The following CACNA2D3 variants were observed in gnomAD, a reference collection of about 807,000 sequenced individuals.
CACNA2D3 encodes the protein calcium voltage-gated channel auxiliary subunit alpha2delta 3.
In CACNA2D3, 60 loss-of-function variants were observed where a neutral mutation model predicts 160.6. The observed-to-expected ratio is 0.37, with a 90% confidence interval of 0.30 to 0.46. The LOEUF is 0.46. Among genes scored for constraint, CACNA2D3 ranks in the 20% least tolerant of loss-of-function variants. The probability of loss-of-function intolerance (pLI) is 1.00; values close to 1 mark genes in which losing one functional copy is unlikely to be tolerated. For missense variants in CACNA2D3, 1,205 were observed against 1,365.0 expected, an observed-to-expected ratio of 0.88 and a Z score of 1.85; for synonymous variants, 558 against 492.9, an observed-to-expected ratio of 1.13 and a Z score of -1.75.
In CACNA2D3 at chr3:54,123,500, C is replaced by T; in HGVS notation, c.123-13C>T. The T allele has an allele frequency of 6.2e-7, 1 of 1,609,542 alleles. No homozygotes were observed. ...GGGTGTTACATATCTTCCTGTGCCCCTTCTCCCTGTAGGGTGAAGCTCTGG... is the reference window on the plus strand; with the variant it reads ...GGGTGTTACATATCTTCCTGTGCCCTTTCTCCCTGTAGGGTGAAGCTCTGG... On this transcript the variant is annotated splice_polypyrimidine_tract_variant and intron_variant, in intron 1 of 37. Transcript: ENST00000474759.
intron 27 of CACNA2D3, among the ~76,000 whole-genome samples, chr3:54,923,958 A>G (rs929605305): frequency 3.3e-5 from 5 of 152,222 alleles, no homozygotes; most frequent in East Asian, 1.9e-4. Flanking sequence ...CTGTGTTCCA[A>G]TAAAACTTTA....
At chr3:54,861,995 TCACA>T (rs553139346) in intron 17 of CACNA2D3, among the ~76,000 whole-genome samples, 58 of 152,214 alleles carry the variant, frequency 3.8e-4, no homozygotes, top group South Asian at 1.9e-3. Flanking sequence ...TAATTGAGAA[TCACA>T]CACACACAAA....
intron 11 of CACNA2D3, among the ~76,000 whole-genome samples, chr3:54,745,107 G>C (rs779719176): frequency 8.5e-5 from 13 of 152,256 alleles, no homozygotes; most frequent in East Asian, 5.8e-4. Context: ...GAAGCAGAAG[G>C]CATGCCATAC....
intron 9 of CACNA2D3, among the ~76,000 whole-genome samples, chr3:54,618,771 G>T (rs1698919323): frequency 6.6e-6 from 1 of 152,158 alleles, no homozygotes; most frequent in Non-Finnish European, 1.5e-5. Flanking sequence ...TGACTGCGAG[G>T]TGATGGTTTG....
chr3:54,248,587 C>G (rs1702127365), intron 2 of CACNA2D3, among the ~76,000 whole-genome samples: 1 of 152,018 alleles, frequency 6.6e-6, no homozygotes, highest in Non-Finnish European at 1.5e-5. Flanking sequence ...TACCAGGAAT[C>G]CACAGGCACA....
At chr3:54,513,912 A>G (rs1158801556) in intron 5 of CACNA2D3, among the ~76,000 whole-genome samples, 2 of 152,082 alleles carry the variant, frequency 1.3e-5, no homozygotes, top group Non-Finnish European at 2.9e-5. Flanking sequence ...ACCTCAAGTG[A>G]TCCACCTGCC....
intron 2 of CACNA2D3, among the ~76,000 whole-genome samples, chr3:54,177,437 G>A (rs60934754): frequency 0.023 from 3,431 of 152,252 alleles, 204 homozygotes; most frequent in East Asian, 0.17. Context: ...TTCAGGACTA[G>A]GTTGCTGCCC....
intron 9 of CACNA2D3, among the ~76,000 whole-genome samples, chr3:54,595,313 G>GT (rs1702931839): frequency 4.5e-5 from 6 of 132,204 alleles, no homozygotes; most frequent in African/African-American, 2.0e-4. Flanking sequence ...CTGTGTGTGT[G>GT]GTGTGTGTGT....
At position 54,469,918 on chromosome 3, in the gene CACNA2D3, A is replaced by G. The variant is rs536105607; in HGVS notation, c.382-33574A>G. Reference sequence around the variant, plus strand: ...AAAGAAGGCAAAAAGCCTCCAAGAAATATGGGACTATGTGAAAAGACCAAA... The same window carrying G: ...AAAGAAGGCAAAAAGCCTCCAAGAAGTATGGGACTATGTGAAAAGACCAAA... On this transcript the variant is annotated intron_variant, in intron 4 of 37. Transcript: ENST00000474759. 7.8e-4 allele frequency among the ~76,000 whole-genome samples: 119 copies of G among 152,306 alleles called. 1 individual carries two copies. Among genetic ancestry groups the G allele is most frequent in the African/African-American group, 2.8e-3 (117 of 41,580 alleles).
intron 2 of CACNA2D3, among the ~76,000 whole-genome samples, chr3:54,274,580 A>G (rs1448613259): frequency 1.3e-5 from 2 of 152,240 alleles, no homozygotes; most frequent in African/African-American, 2.4e-5. Context: ...AAAAATTACT[A>G]TTGCAAAATA....
At chr3:54,182,103 T>C (rs1700795388) in intron 2 of CACNA2D3, among the ~76,000 whole-genome samples, 1 of 152,178 alleles carries the variant, frequency 6.6e-6, no homozygotes, top group Admixed American at 6.5e-5. Context: ...GCTGAAGTTA[T>C]AAAATAATTT....
At chr3:54,272,066 G>C (rs1702633678) in intron 2 of CACNA2D3, among the ~76,000 whole-genome samples, 1 of 151,808 alleles carries the variant, frequency 6.6e-6, no homozygotes, top group Admixed American at 6.6e-5. Flanking sequence ...GAAGTTTCTT[G>C]AGTGTCTCTT....
rs114099183 is a variant in CACNA2D3 at position 54,641,292 on chromosome 3, C to G, written c.1054-836C>G. ...ATTTCAAAGGGATAGGGGACACTTA[C>G]AGGTCACAGGTGGATTCAAAGATTT... On this transcript the variant is annotated intron_variant, in intron 10 of 37. Coordinates refer to ENST00000474759, the MANE Select transcript of CACNA2D3 (RefSeq NM_018398.3). Among the ~76,000 whole-genome samples, 640 of 152,334 alleles carry G rather than the reference C, an allele frequency of 4.2e-3. 4 individuals are homozygous for G. Among genetic ancestry groups the G allele is most frequent in the Non-Finnish European group, 5.0e-3 (339 of 68,020 alleles).
At chr3:55,047,962 CTT>C (rs1320161680) in intron 35 of CACNA2D3, among the ~76,000 whole-genome samples, 4 of 148,248 alleles carry the variant, frequency 2.7e-5, no homozygotes, top group African/African-American at 5.1e-5. Context: ...TATCCTGAGA[CTT>C]TGCTGAAGTT....
At chr3:55,004,467 G>A (rs1472497120) in intron 31 of CACNA2D3, among the ~76,000 whole-genome samples, 9 of 151,280 alleles carry the variant, frequency 5.9e-5, no homozygotes, top group Non-Finnish European at 1.2e-4. Flanking sequence ...CTTGCTCAAT[G>A]CAGACCATCC....
chr3:54,726,621 C>G (rs983711903), intron 11 of CACNA2D3, among the ~76,000 whole-genome samples: 3 of 152,118 alleles, frequency 2.0e-5, no homozygotes, highest in African/African-American at 7.2e-5. Context: ...ACATCTACAA[C>G]AATCTGATCT....
At chr3:54,468,830 GA>G (rs1700676849) in intron 4 of CACNA2D3, among the ~76,000 whole-genome samples, 1 of 152,152 alleles carries the variant, frequency 6.6e-6, no homozygotes, top group African/African-American at 2.4e-5. Context: ...GAACTGGGTG[GA>G]GCCCACTGCA....
intron 2 of CACNA2D3, among the ~76,000 whole-genome samples, chr3:54,194,992 T>C (rs1036022510): frequency 6.6e-6 from 1 of 152,208 alleles, no homozygotes; most frequent in Non-Finnish European, 1.5e-5. Flanking sequence ...TTGTACCTAC[T>C]CTGATCTTTC....
At chr3:54,977,942 A>G (rs1233412149) in intron 29 of CACNA2D3, among the ~76,000 whole-genome samples, 1 of 152,182 alleles carries the variant, frequency 6.6e-6, no homozygotes, top group East Asian at 1.9e-4. Context: ...ATGATATGCT[A>G]AACAATGGGT....
Sources: gnomAD v4.1 joint callset for allele counts (sites outside exome capture counted in the v4.1 genomes callset) on GRCh38, gnomAD v4.1.1 for gene constraint, MANE v1.5 for transcripts, NCBI Gene and HGNC (gene_info 2026-07-23, HGNC 2026-07-21) for gene names.